Variants in SLC27A3 observed in about 807,000 individuals in gnomAD.
The protein encoded by SLC27A3 is long-chain fatty acid transport protein 3.
In SLC27A3, 60 loss-of-function variants were observed where a neutral mutation model predicts 60.1. That is an observed-to-expected ratio of 1.00 (90% CI 0.81 to 1.24). The LOEUF (loss-of-function observed/expected upper bound fraction) is 1.24. Among genes scored for constraint, SLC27A3 ranks in the 50% most tolerant of loss-of-function variants. The pLI is 0.00. For synonymous variants in SLC27A3, 455 were observed against 409.0 expected (o/e 1.11, Z -1.36); for missense variants, 1,079 against 929.9 (o/e 1.16, Z -2.09).
chr1:153,776,306 G>T, intron 1 of SLC27A3, 142 bp downstream of exon 1: 1 of 1,410,084 alleles, frequency 7.1e-7, no homozygotes, highest in Admixed American at 2.9e-5. Context: ...GTGGAGATAG[G>T]AGTCTCCGGG....
rs1181406286 is a variant in SLC27A3, at chr1:153,775,955, G to A, written c.458G>A (p.Gly153Asp). The A allele has an allele frequency of 2.1e-6, 3 of 1,445,912 alleles. No homozygotes were observed. The highest frequency in any genetic ancestry group is 2.7e-6 in the Non-Finnish European group (3 of 1,106,758). The allele number at this position is 1,445,912 out of a possible 1,614,324, so 89.6% of individuals were successfully genotyped here. Reference sequence around the variant, plus strand: ...GGCGCGGAGTTTGCCGGAGGGGACGGTGCCGCCAGAGGTGGAGGAGCCGCC... The same window carrying A: ...GGCGCGGAGTTTGCCGGAGGGGACGATGCCGCCAGAGGTGGAGGAGCCGCC... ...GSGAEFAGGD[G>D]AARGGGAAAP... Residue 153 changes from glycine to aspartate, a missense_variant, in exon 1 of 10, where the codon GGT becomes GAT. Physicochemically the swap from Gly to Asp is moderately conservative, Grantham distance 94 (BLOSUM62 -1). Transcript: ENST00000624995.
In SLC27A3 at chr1:153,778,454, T is replaced by C. The variant is rs1250317850; in HGVS notation, c.1357-9T>C. On this transcript the variant is annotated splice_polypyrimidine_tract_variant and intron_variant, in intron 5 of 9. Transcript: ENST00000624995. ...CAATGATCCAGTACCCAGGTCTCCC[T>C]TTCCCCAGCATATCTTCCCCTTCTC... The C allele has an allele frequency of 2.5e-6, 4 of 1,614,062 alleles. No individual in the cohort carries two copies. In the East Asian group the frequency reaches 8.9e-5, roughly 36 times the overall value.
At position 153,775,610 on chromosome 1, in the gene SLC27A3, G is replaced by A. The variant is rs1289075234; in HGVS notation, c.113G>A (p.Arg38Gln). ...WLPADLAFAV[R>Q]ALCCKRALRA... ...CCGGCGGACTTGGCCTTTGCGGTGC[G>A]AGCTCTGTGCTGCAAAAGGGCTCTT... The change falls in exon 1 of 10, where the codon CGA becomes CAA. Residue 38 changes from arginine (R) to glutamine (Q), a missense_variant. Physicochemically the swap from Arg to Gln is conservative, Grantham distance 43. Transcript: ENST00000624995. 5 of 1,589,102 alleles carry A rather than the reference G, an allele frequency of 3.1e-6. No individual in the cohort carries two copies. The highest frequency in any genetic ancestry group is 2.2e-5 in the South Asian group (2 of 89,388).
At chr1:153,777,357 A>G (rs775992253) in intron 3 of SLC27A3, 137 bp downstream of exon 3, 11 of 1,076,962 alleles carry the variant, frequency 1.0e-5, no homozygotes, top group South Asian at 7.4e-5. Context: ...GCTCTGTACA[A>G]TAGGGCAATG....
chr1:153,776,758 G>A (rs764702513), intron 2 of SLC27A3, 31 bp downstream of exon 2: 34 of 1,608,554 alleles, frequency 2.1e-5, no homozygotes, highest in South Asian at 1.2e-4. Context: ...TTAGCTCCCC[G>A]AAACCAAGGC....
rs765755515 is a variant in SLC27A3 at position 153,779,201 on chromosome 1, C to T, written c.1734C>T (p.Val578=). The stretch of plus-strand genomic sequence containing the variant: ...TTCAGGAGGTGAACGTCTATGGAGT[C>T]ACTGTGCCAGGTGCCTAGGCATGGA... The part of the protein sequence containing the change: ...DFLQEVNVYG[V]TVPGHEGRAG... The change falls in exon 8 of 10, where the codon GTC becomes GTT. Residue 578 remains valine (V), a synonymous_variant. Coordinates refer to ENST00000624995, the MANE Select transcript of SLC27A3 (RefSeq NM_024330.4). 60 of 1,614,010 alleles carry T rather than the reference C, an allele frequency of 3.7e-5. No homozygotes were observed. The highest frequency in any genetic ancestry group is 4.9e-5 in the Non-Finnish European group (58 of 1,180,004).
intron 2 of SLC27A3, 141 bp downstream of exon 2, chr1:153,776,868 C>T (rs998693369): frequency 1.1e-6 from 1 of 936,320 alleles, no homozygotes; most frequent in Non-Finnish European, 1.6e-6. Context: ...CATTTCACTC[C>T]CCAGTCTCCT....
In SLC27A3 at chr1:153,778,572, G is replaced by A. The variant is rs146145258; in HGVS notation, c.1447+19G>A. Reference sequence around the variant, plus strand: ...TCTCCAGGTTGGTGGTGTTCTGGTGGGGTGGGCGGGGTGCTGAAGCTGGCA... The same window carrying A: ...TCTCCAGGTTGGTGGTGTTCTGGTGAGGTGGGCGGGGTGCTGAAGCTGGCA... On this transcript the variant is annotated intron_variant, in intron 6 of 9. Coordinates refer to ENST00000624995, the MANE Select transcript of SLC27A3 (RefSeq NM_024330.4). The A allele has an allele frequency of 1.4e-5, 23 of 1,611,902 alleles. No homozygotes were observed. In the East Asian group the frequency reaches 5.1e-4, roughly 36 times the overall value.
rs766710897 is a variant in SLC27A3, at chr1:153,775,990, T to C, written c.493T>C (p.Ser165Pro). Reference protein sequence around the residue: ...ARGGGAAAPLSPGATVALLLP... With the variant: ...ARGGGAAAPLPPGATVALLLP... ...AGGTGGAGGAGCCGCCGCCCCTCTGTCACCTGGAGCAACTGTGGCGCTGCT... is the reference window on the plus strand; with the variant it reads ...AGGTGGAGGAGCCGCCGCCCCTCTGCCACCTGGAGCAACTGTGGCGCTGCT... Residue 165 changes from serine to proline, a missense_variant, in exon 1 of 10, where the codon TCA becomes CCA. Coordinates refer to ENST00000624995, the MANE Select transcript of SLC27A3 (RefSeq NM_024330.4). 2.1e-6 allele frequency: 3 copies of C among 1,448,496 alleles called. No individual in the cohort carries two copies. In the South Asian group the frequency reaches 4.4e-5, roughly 21 times the overall value. 89.7% of individuals were successfully genotyped at this position (1,448,496 alleles called of 1,614,324 possible).
chr1:153,777,161 C>T lies in SLC27A3; in HGVS notation c.977C>T (p.Ala326Val), dbSNP rs1364021444. ...GVHQEDVIYLALPLYHMSGSL... is the reference protein window; with the variant it reads ...GVHQEDVIYLVLPLYHMSGSL... Reference sequence around the variant, plus strand: ...CACCAGGAAGATGTGATCTACCTCGCCCTCCCACTCTACCACATGTCCGGT... The same window carrying T: ...CACCAGGAAGATGTGATCTACCTCGTCCTCCCACTCTACCACATGTCCGGT... The change falls in exon 3 of 10, where the codon GCC becomes GTC. Residue 326 changes from alanine to valine, a missense_variant. Transcript: ENST00000624995. 3.1e-6 allele frequency: 5 copies of T among 1,614,260 alleles called. No homozygotes were observed. The highest frequency in any genetic ancestry group is 4.2e-6 in the Non-Finnish European group (5 of 1,180,048).
Position 153,778,815 on chromosome 1 carries a change from A to G in SLC27A3, c.1576A>G (p.Thr526Ala), listed in dbSNP as rs1428373576. The G allele has an allele frequency of 1.2e-6, 2 of 1,613,996 alleles. No homozygotes were observed. Among genetic ancestry groups the G allele is most frequent in the South Asian group, 1.1e-5 (1 of 91,092 alleles). ...CCGGCCTGGGGATGTTTTCTTCAAC[A>G]CTGGGGACCTGCTGGTCTGCGATGA... The part of the protein sequence containing the change: ...VFRPGDVFFN[T>A]GDLLVCDDQG... Residue 526 changes from threonine to alanine, a missense_variant, in exon 7 of 10, where the codon ACT becomes GCT. Coordinates refer to ENST00000624995, the MANE Select transcript of SLC27A3 (RefSeq NM_024330.4).
Position 153,780,105 on chromosome 1 carries a change from C to T in SLC27A3, c.*103C>T. ...ATCTTTTCTATACCAGAACTGCGGT[C>T]ACTATTTTGTAATAAATGTGGCTGG... On this transcript the variant is annotated 3_prime_UTR_variant, in exon 10 of 10. Transcript: ENST00000624995. 1 of 1,026,810 alleles carries T rather than the reference C, an allele frequency of 9.7e-7. No individual in the cohort carries two copies. The highest frequency in any genetic ancestry group is 1.6e-5 in the South Asian group (1 of 62,178). 63.6% of individuals were successfully genotyped at this position (1,026,810 alleles called of 1,614,324 possible). A position where few individuals can be genotyped will look rare whatever the true frequency, so the allele number is the denominator to read the frequency against.
Position 153,775,631 on chromosome 1 carries a change from C to G in SLC27A3, c.134C>G (p.Ala45Gly). 1 of 1,549,476 alleles carries G rather than the reference C, an allele frequency of 6.5e-7. No homozygotes were observed. Residue 45 changes from alanine to glycine, a missense_variant, in exon 1 of 10, where the codon GCT (alanine) becomes GGT (glycine). Transcript: ENST00000624995. ...FAVRALCCKR[A>G]LRARALAAAA... ...GTGCGAGCTCTGTGCTGCAAAAGGG[C>G]TCTTCGAGCTCGCGCCCTGGCCGCG...
At position 153,778,564 on chromosome 1, in the gene SLC27A3, T is replaced by G. The variant is rs1193782219; in HGVS notation, c.1447+11T>G. 6.2e-7 allele frequency: 1 copy of G among 1,613,592 alleles called. No homozygotes were observed. Among genetic ancestry groups the G allele is most frequent in the Non-Finnish European group, 8.5e-7 (1 of 1,179,518 alleles). On this transcript the variant is annotated intron_variant, in intron 6 of 9. Coordinates refer to ENST00000624995, the MANE Select transcript of SLC27A3 (RefSeq NM_024330.4). ...TGGCCACATCTCCAGGTTGGTGGTG[T>G]TCTGGTGGGGTGGGCGGGGTGCTGA...
chr1:153,776,996 G>A, intron 2 of SLC27A3, 66 bp from the exon 3 acceptor site: 2 of 1,555,730 alleles, frequency 1.3e-6, no homozygotes, highest in East Asian at 2.2e-5. Flanking sequence ...CAGCGGGGGT[G>A]CAAACAGATA....
rs761869783 is a variant in SLC27A3 at position 153,775,529 on chromosome 1, T to G, written c.32T>G (p.Leu11Arg). 3.7e-6 allele frequency: 6 copies of G among 1,612,922 alleles called. 1 individual carries two copies. The South Asian group carries it at 6.6e-5, about 18-fold the overall frequency. MAALLLLPLL[L>R]LLPLLLLKLH... ...GCCCTCCTGCTGCTGCCCCTGCTGC[T>G]GTTGCTACCGCTGCTGCTGCTGAAG... Residue 11 changes from leucine to arginine, a missense_variant, in exon 1 of 10, where the codon CTG becomes CGG. Physicochemically the swap from Leu to Arg is moderately radical, Grantham distance 102 (BLOSUM62 -2). Coordinates refer to ENST00000624995, the MANE Select transcript of SLC27A3 (RefSeq NM_024330.4).
chr1:153,780,149 T>C lies in SLC27A3; in HGVS notation c.*147T>C. On this transcript the variant is annotated 3_prime_UTR_variant, in exon 10 of 10. Coordinates refer to ENST00000624995, the MANE Select transcript of SLC27A3 (RefSeq NM_024330.4). Reference sequence around the variant, plus strand: ...TGGCTGGAGCTGATCCAGCTGTCTCTGACCTACAGTATCTGTCATTATCTC... The same window carrying C: ...TGGCTGGAGCTGATCCAGCTGTCTCCGACCTACAGTATCTGTCATTATCTC... 3 of 693,062 alleles carry C rather than the reference T, an allele frequency of 4.3e-6. No individual in the cohort carries two copies. The South Asian group carries it at 5.8e-5, about 13-fold the overall frequency. 42.9% of individuals were successfully genotyped at this position (693,062 alleles called of 1,614,324 possible).
chr1:153,777,070 A>G lies in SLC27A3; in HGVS notation c.886A>G (p.Lys296Glu), dbSNP rs772533723. ...IFTSGTTGLP[K>E]AARISHLKIL... ...TAACTGCCACCCCACAGGCCTCCCC[A>G]AGGCTGCTCGGATCAGTCATCTGAA... The change falls in exon 3 of 10, where the codon AAG (lysine) becomes GAG (glutamate). Residue 296 changes from lysine (K) to glutamate (E), a missense_variant. Lys to Glu is a moderately conservative substitution (Grantham distance 56). Transcript: ENST00000624995. 1.2e-6 allele frequency: 2 copies of G among 1,614,062 alleles called. No individual in the cohort carries two copies. Among genetic ancestry groups the G allele is most frequent in the South Asian group, 1.1e-5 (1 of 91,080 alleles).
chr1:153,776,155 C>G lies in SLC27A3; in HGVS notation c.658C>G (p.Leu220Val). 3 of 1,420,956 alleles carry G rather than the reference C, an allele frequency of 2.1e-6. No homozygotes were observed. Among genetic ancestry groups the G allele is most frequent in the Non-Finnish European group, 2.7e-6 (3 of 1,100,254 alleles). The allele number at this position is 1,420,956 out of a possible 1,614,324, so 88.0% of individuals were successfully genotyped here. Residue 220 changes from leucine to valine, a missense_variant, in exon 1 of 10, where the codon CTG (leucine) becomes GTG (valine). Leu to Val is a conservative substitution (Grantham distance 32, BLOSUM62 1). Transcript: ENST00000624995. ...LRSCGARALV[L>V]APEFLESLEP... Reference sequence around the variant, plus strand: ...CAGCTGCGGCGCGCGCGCGCTGGTGCTGGCGCCAGGTAAGGCTGGAGCTCC... The same window carrying G: ...CAGCTGCGGCGCGCGCGCGCTGGTGGTGGCGCCAGGTAAGGCTGGAGCTCC...
Sources: allele counts gnomAD v4.1 joint callset, GRCh38; gene constraint gnomAD v4.1.1; transcripts MANE v1.5; gene names NCBI Gene and HGNC (gene_info 2026-07-23, HGNC 2026-07-21).